Variants in ACSS3 observed in about 807,000 individuals in gnomAD.
ACSS3 encodes acyl-CoA synthetase short chain family member 3.
In ACSS3, 64 loss-of-function variants were observed where a neutral mutation model predicts 84.2. The observed-to-expected ratio is 0.76, with a 90% CI of 0.62 to 0.94. ACSS3 has a LOEUF of 0.94. Ranked by LOEUF, ACSS3 falls within the 40% of genes least tolerant of loss-of-function variation. The pLI, the probability that ACSS3 is intolerant of heterozygous loss-of-function variation, is 0.00. For missense variants in ACSS3, 815 were observed against 867.6 expected (o/e 0.94, Z 0.76); for synonymous variants, 317 against 310.1 (o/e 1.02, Z -0.23).
At chr12:81,143,705 T>C (rs769443497) in intron 5 of ACSS3, among the ~76,000 whole-genome samples, 1 of 152,180 alleles carries the variant, frequency 6.6e-6, no homozygotes, top group African/African-American at 2.4e-5. Context: ...AATTATTTAT[T>C]ATGAATGTGA....
At chr12:81,103,951 T>G (rs1882746227) in intron 1 of ACSS3, among the ~76,000 whole-genome samples, 1 of 152,094 alleles carries the variant, frequency 6.6e-6, no homozygotes, top group Non-Finnish European at 1.5e-5. Context: ...AGGGAAAGGT[T>G]TTTTAAAATT....
chr12:81,103,024 A>G (rs1398425704), intron 1 of ACSS3, among the ~76,000 whole-genome samples: 2 of 152,194 alleles, frequency 1.3e-5, no homozygotes, highest in Non-Finnish European at 2.9e-5. Flanking sequence ...AAGCAGTGTG[A>G]CCAATATTTG....
chr12:81,174,715 T>C, intron 7 of ACSS3, 73 bp from the exon 8 acceptor site: 12 of 1,451,882 alleles, frequency 8.3e-6, no homozygotes, highest in Non-Finnish European at 1.1e-5. Context: ...TTGTGTTAAA[T>C]GTATAACTAT....
chr12:81,159,929 G>A (rs1039404474), intron 7 of ACSS3, among the ~76,000 whole-genome samples: 8 of 152,202 alleles, frequency 5.3e-5, no homozygotes, highest in South Asian at 2.1e-4. Flanking sequence ...AAATCTTTCC[G>A]TGTCCTGCCT....
chr12:81,161,945 A>C (rs1887173951), intron 7 of ACSS3, among the ~76,000 whole-genome samples: 1 of 152,206 alleles, frequency 6.6e-6, no homozygotes, highest in African/African-American at 2.4e-5. Context: ...TGGAGATGCC[A>C]GGAACTGCAG....
At chr12:81,089,230 TGTTAA>T (rs1052644603) in intron 1 of ACSS3, among the ~76,000 whole-genome samples, 1 of 151,980 alleles carries the variant, frequency 6.6e-6, no homozygotes, top group Non-Finnish European at 1.5e-5. Context: ...TTTCTTTATA[TGTTAA>T]GTTGTTGGTT....
intron 8 of ACSS3, among the ~76,000 whole-genome samples, chr12:81,190,150 G>A (rs939879451): frequency 7.9e-5 from 12 of 151,836 alleles, no homozygotes; most frequent in Middle Eastern, 3.2e-3. Context: ...TTCTTGGCTC[G>A]TTTTATTTCT....
chr12:81,130,812 T>C (rs758749159), intron 2 of ACSS3, among the ~76,000 whole-genome samples: 1 of 152,220 alleles, frequency 6.6e-6, no homozygotes, highest in Admixed American at 6.5e-5. Flanking sequence ...GTATAACGTG[T>C]AAGGAAGGGA....
At chr12:81,146,413 TC>T (rs779144050) in intron 5 of ACSS3, among the ~76,000 whole-genome samples, 106 of 152,296 alleles carry the variant, frequency 7.0e-4, no homozygotes, top group Non-Finnish European at 1.3e-3. Context: ...AAATATGATG[TC>T]ATCATATGGT....
chr12:81,233,884 T>A (rs1593226550), intron 13 of ACSS3, among the ~76,000 whole-genome samples: 1 of 151,708 alleles, frequency 6.6e-6, no homozygotes, highest in Non-Finnish European at 1.5e-5. Context: ...TCACATAAAG[T>A]CTCCAGAAGA....
chr12:81,130,740 G>A lies in ACSS3; in HGVS notation c.457-4076G>A, dbSNP rs190351168. Among the ~76,000 whole-genome samples, 589 of 152,086 alleles carry A rather than the reference G, an allele frequency of 3.9e-3. 7 individuals are homozygous for A. The highest frequency in any genetic ancestry group is 0.014 in the African/African-American group (572 of 41,504). On this transcript the variant is annotated intron_variant, in intron 2 of 15. Transcript: ENST00000548058. ...TGAATGCTATTACCTAGGTTTTCTT[G>A]TAGGGTTTTTATGGTTTTAGGTCTA...
At chr12:81,127,388 G>A (rs908856056) in intron 2 of ACSS3, among the ~76,000 whole-genome samples, 2 of 152,104 alleles carry the variant, frequency 1.3e-5, no homozygotes, top group East Asian at 1.9e-4. Flanking sequence ...CATAGTTAAT[G>A]CATGGACTAA....
chr12:81,088,421 A>G (rs1330782866), intron 1 of ACSS3, among the ~76,000 whole-genome samples: 2 of 152,094 alleles, frequency 1.3e-5, no homozygotes, highest in East Asian at 3.9e-4. Flanking sequence ...GTACATAAAC[A>G]TTGTCAGGTA....
intron 8 of ACSS3, among the ~76,000 whole-genome samples, chr12:81,186,372 A>G (rs2135857766): frequency 6.6e-6 from 1 of 151,962 alleles, no homozygotes; most frequent in South Asian, 2.1e-4. Flanking sequence ...ATTACATGAA[A>G]CTAACAAGCT....
intron 8 of ACSS3, among the ~76,000 whole-genome samples, chr12:81,182,063 G>A (rs1159013030): frequency 6.6e-6 from 1 of 152,138 alleles, no homozygotes; most frequent in African/African-American, 2.4e-5. Flanking sequence ...TCCCTAAAGC[G>A]CACAGATCCC....
At chr12:81,130,723 A>G (rs975175070) in intron 2 of ACSS3, among the ~76,000 whole-genome samples, 3 of 152,160 alleles carry the variant, frequency 2.0e-5, no homozygotes, top group African/African-American at 4.8e-5. Context: ...CCTGAATGCT[A>G]TTACCTAGGT....
intron 2 of ACSS3, among the ~76,000 whole-genome samples, chr12:81,111,667 G>A (rs1480634125): frequency 6.6e-6 from 1 of 152,094 alleles, no homozygotes; most frequent in African/African-American, 2.4e-5. Context: ...CACATATTTG[G>A]GTGTGCCTGT....
intron 2 of ACSS3, among the ~76,000 whole-genome samples, chr12:81,126,927 C>A (rs1885138129): frequency 6.6e-6 from 1 of 151,856 alleles, no homozygotes. Context: ...TTCTAGACCA[C>A]TATCAGATAA....
intron 13 of ACSS3, among the ~76,000 whole-genome samples, chr12:81,246,496 A>G (rs1334612615): frequency 2.0e-5 from 3 of 152,202 alleles, no homozygotes; most frequent in African/African-American, 7.2e-5. Flanking sequence ...AAGCAAACAA[A>G]TGAACAAAAA....
Sources: gnomAD v4.1 joint callset for allele counts (sites outside exome capture counted in the v4.1 genomes callset) on GRCh38, gnomAD v4.1.1 for gene constraint, MANE v1.5 for transcripts, NCBI Gene and HGNC (gene_info 2026-07-23, HGNC 2026-07-21) for gene names.